CHAF1A: variants seen among roughly 807,000 people sequenced by gnomAD.
CHAF1A encodes CAF-1 subunit A.
A neutral mutation model predicts 93.2 loss-of-function variants in CHAF1A; 5 were observed. That is an observed-to-expected ratio of 0.05 (90% CI 0.03 to 0.11). The LOEUF (loss-of-function observed/expected upper bound fraction) is 0.11, where lower values mean the gene tolerates loss of function less well. Ranked by LOEUF, CHAF1A falls within the 10% of genes least tolerant of loss-of-function variation. The pLI is 1.00. For synonymous variants in CHAF1A, 504 were observed against 510.3 expected (o/e 0.99, Z 0.17); for missense variants, 1,102 against 1,259.9 (o/e 0.87, Z 1.90).
In CHAF1A at chr19:4,402,684, G is replaced by C. The variant is rs546153154; in HGVS notation, c.-79G>C. ...CGCGGCGGCAGCAGCGGCGCGGGCGGGAGGGCGAAGAGCAGCGGCCGCCTG... is the reference window on the plus strand; with the variant it reads ...CGCGGCGGCAGCAGCGGCGCGGGCGCGAGGGCGAAGAGCAGCGGCCGCCTG... On this transcript the variant is annotated 5_prime_UTR_variant, in exon 1 of 15. Transcript: ENST00000301280. The C allele has an allele frequency of 1.0e-3, 957 of 959,944 alleles. 5 individuals are homozygous for C. The African/African-American group carries it at 0.015, about 15-fold the overall frequency. The allele number at this position is 959,944 out of a possible 1,614,324, so 59.5% of individuals were successfully genotyped here. A position where few individuals can be genotyped will look rare whatever the true frequency, so the allele number is the denominator to read the frequency against.
intron 3 of CHAF1A, among the ~76,000 whole-genome samples, chr19:4,411,892 G>T (rs985244355): frequency 6.6e-6 from 1 of 151,692 alleles, no homozygotes; most frequent in Non-Finnish European, 1.5e-5. Flanking sequence ...CAGGTGATCC[G>T]CTTGCCTCGG....
At chr19:4,423,924 T>C (rs755791273) in intron 7 of CHAF1A, 50 bp downstream of exon 7, 4 of 1,559,378 alleles carry the variant, frequency 2.6e-6, no homozygotes, top group African/African-American at 2.7e-5. Context: ...GCTAGACTTT[T>C]CCTTTCTGAA....
intron 3 of CHAF1A, among the ~76,000 whole-genome samples, chr19:4,413,362 G>A (rs572717508): frequency 1.6e-4 from 24 of 152,166 alleles, no homozygotes; most frequent in African/African-American, 5.8e-4. Flanking sequence ...GAGCCACCGC[G>A]CCTGGCCAGT....
In CHAF1A at chr19:4,427,136, C is replaced by CTTTTTTTTTTTTTTTTTTTTTTTT. The variant is rs747750687; in HGVS notation, c.1378-1520_1378-1497dup. ...GTGATCTTTCAAAAAAAGACCCTGT[C>CTTTTTTTTTTTTTTTTTTTTTTTT]TTTTTTTTTTTTTTTTTTTTTTTTT... On this transcript the variant is annotated intron_variant, in intron 7 of 14. Transcript: ENST00000301280. Among the ~76,000 whole-genome samples, 10 of 31,948 alleles carry CTTTTTTTTTTTTTTTTTTTTTTTT rather than the reference C, an allele frequency of 3.1e-4. 2 individuals are homozygous for CTTTTTTTTTTTTTTTTTTTTTTTT. The highest frequency in any genetic ancestry group is 1.0e-3 in the African/African-American group (7 of 6,822). 21.0% of individuals were successfully genotyped at this position (31,948 alleles called of 152,430 possible).
intron 3 of CHAF1A, among the ~76,000 whole-genome samples, chr19:4,416,290 C>T (rs759309962): frequency 3.3e-5 from 5 of 152,196 alleles, no homozygotes; most frequent in East Asian, 1.9e-4. Context: ...GCAATGAACC[C>T]GGAGAACTAT....
intron 11 of CHAF1A, among the ~76,000 whole-genome samples, chr19:4,431,419 G>C (rs1974180857): frequency 6.6e-6 from 1 of 152,132 alleles, no homozygotes; most frequent in South Asian, 2.1e-4. Flanking sequence ...ATGAGCCACC[G>C]AGCCCGGCAG....
intron 7 of CHAF1A, among the ~76,000 whole-genome samples, chr19:4,424,678 A>T (rs1418719226): frequency 6.6e-6 from 1 of 152,120 alleles, no homozygotes; most frequent in African/African-American, 2.4e-5. Flanking sequence ...TCTGTCACCC[A>T]GGCTGCAGTA....
chr19:4,448,646 C>T, downstream of CHAF1A: 2 of 568,030 alleles, frequency 3.5e-6, no homozygotes, highest in Non-Finnish European at 6.3e-6. Context: ...GTCTCCCCTT[C>T]CGCCTTCTCA....
In CHAF1A at chr19:4,442,958, CTGGGGGTGGTG is replaced by C. The variant is rs1175443095; in HGVS notation, c.2814_2824del (p.Val939HisfsTer35). The C allele has an allele frequency of 6.9e-6, 11 of 1,604,276 alleles. No homozygotes were observed. Among genetic ancestry groups the C allele is most frequent in the Non-Finnish European group, 7.7e-6 (9 of 1,176,160 alleles). On this transcript the variant is annotated frameshift_variant, in exon 15 of 15. Transcript: ENST00000301280. LOFTEE classifies it low-confidence loss of function (END_TRUNC). ...GCCCCGTGTGGAGCCGCTTCCGGAG[CTGGGGGTGGTG>C]TGGGGGTGGACACCGGCAAGGCCAC...
intron 3 of CHAF1A, among the ~76,000 whole-genome samples, chr19:4,412,631 C>T (rs1034805633): frequency 4.6e-5 from 7 of 152,158 alleles, no homozygotes; most frequent in Non-Finnish European, 7.3e-5. Context: ...ACTGGGAAGT[C>T]CCCTCGTTGG....
intron 1 of CHAF1A, among the ~76,000 whole-genome samples, chr19:4,404,208 TAGAA>T (rs753653231): frequency 5.3e-5 from 8 of 152,204 alleles, no homozygotes; most frequent in Non-Finnish European, 8.8e-5. Context: ...CAAATAAAAT[TAGAA>T]AGGATGTAAT....
chr19:4,406,045 G>A, intron 2 of CHAF1A, 83 bp downstream of exon 2: 5 of 1,069,996 alleles, frequency 4.7e-6, no homozygotes, highest in South Asian at 2.6e-5. Context: ...GTGGAAGCCT[G>A]GAGCTAGAGG....
downstream of CHAF1A, chr19:4,447,013 G>T: frequency 3.1e-6 from 4 of 1,293,920 alleles, no homozygotes; most frequent in Non-Finnish European, 4.4e-6. Flanking sequence ...TCTCGCTATT[G>T]GGAGCAGCTG....
intron 3 of CHAF1A, among the ~76,000 whole-genome samples, chr19:4,410,114 C>T (rs1039841435): frequency 2.6e-5 from 4 of 152,174 alleles, no homozygotes; most frequent in African/African-American, 9.7e-5. Context: ...GTCCAGCTTT[C>T]TCTGTGCCCT....
chr19:4,426,620 A>G (rs1185386982), intron 7 of CHAF1A, among the ~76,000 whole-genome samples: 1 of 151,894 alleles, frequency 6.6e-6, no homozygotes, highest in Non-Finnish European at 1.5e-5. Flanking sequence ...GATTACAGGC[A>G]TGTGCTGCCA....
intron 2 of CHAF1A, among the ~76,000 whole-genome samples, chr19:4,407,834 G>T (rs1351213832): frequency 6.6e-6 from 1 of 152,144 alleles, no homozygotes; most frequent in South Asian, 2.1e-4. Flanking sequence ...TGTAATCCCA[G>T]CTACTTGAGA....
rs1973601161 is a variant in CHAF1A, at chr19:4,402,658, C to A, written c.-105C>A. The A allele has an allele frequency of 4.1e-6, 3 of 736,394 alleles. No individual in the cohort carries two copies. The highest frequency in any genetic ancestry group is 5.4e-6 in the Non-Finnish European group (3 of 555,042). The allele number at this position is 736,394 out of a possible 1,614,324, so 45.6% of individuals were successfully genotyped here. On this transcript the variant is annotated 5_prime_UTR_variant, in exon 1 of 15. Coordinates refer to ENST00000301280, the MANE Select transcript of CHAF1A (RefSeq NM_005483.3). ...TTCCCGCCAAATACGAGCGCGGCGG[C>A]CGCGGCGGCAGCAGCGGCGCGGGCG...
chr19:4,439,246 A>C (rs1362561931), intron 13 of CHAF1A, among the ~76,000 whole-genome samples: 1 of 151,084 alleles, frequency 6.6e-6, no homozygotes, highest in Non-Finnish European at 1.5e-5. Flanking sequence ...GTGCCACTGC[A>C]CTCCAGCCTG....
chr19:4,440,163 C>G (rs567200596), intron 13 of CHAF1A, among the ~76,000 whole-genome samples: 13 of 152,318 alleles, frequency 8.5e-5, no homozygotes, highest in African/African-American at 3.1e-4. Flanking sequence ...TTTTTGAGGA[C>G]TATCCTCCCT....
Sources: gnomAD v4.1 joint callset for allele counts (sites outside exome capture counted in the v4.1 genomes callset) on GRCh38, gnomAD v4.1.1 for gene constraint, MANE v1.5 for transcripts, NCBI Gene and HGNC (gene_info 2026-07-23, HGNC 2026-07-21) for gene names.